Variants in CFAP77 observed in about 807,000 individuals in gnomAD.
CFAP77 encodes cilia and flagella associated protein 77.
CFAP77 carries 25 observed loss-of-function variants against 31.1 expected under a neutral mutation model. The observed-to-expected ratio is 0.80, with a 90% confidence interval of 0.59 to 1.12. CFAP77 has a LOEUF of 1.12. CFAP77 is among the 50% of genes most tolerant of loss of function. The pLI, the probability that CFAP77 is intolerant of heterozygous loss-of-function variation, is 0.00. For synonymous variants in CFAP77, 151 were observed against 159.9 expected (o/e 0.94, Z 0.42); for missense variants, 377 against 397.3 (o/e 0.95, Z 0.44).
At position 132,486,020 on chromosome 9, in the gene CFAP77, A is replaced by ATATATATATGTATG. The variant is rs1564222971; in HGVS notation, c.196-12666_196-12665insGTATGTATATATAT. 2.3e-4 allele frequency among the ~76,000 whole-genome samples: 10 copies of ATATATATATGTATG among 43,038 alleles called. 1 individual carries two copies. The highest frequency in any genetic ancestry group is 3.3e-4 in the Non-Finnish European group (9 of 27,246). 28.2% of individuals were successfully genotyped at this position (43,038 alleles called of 152,430 possible). A position where few individuals can be genotyped will look rare whatever the true frequency, so the allele number is the denominator to read the frequency against. On this transcript the variant is annotated intron_variant, in intron 1 of 5. Transcript: ENST00000393216. ...TATATATATATATATATATATATATATATATATATATATATATATATGTAT... is the reference window on the plus strand; with the variant it reads ...TATATATATATATATATATATATATATATATATATGTATGTATATATATATATATATATATGTAT...
chr9:132,425,779 A>C (rs1850303409), intron 1 of CFAP77, among the ~76,000 whole-genome samples: 1 of 152,210 alleles, frequency 6.6e-6, no homozygotes, highest in Non-Finnish European at 1.5e-5. Context: ...TGAAAGGGTG[A>C]TCATTTACCT....
intron 5 of CFAP77, among the ~76,000 whole-genome samples, chr9:132,561,725 G>C (rs998510623): frequency 6.6e-6 from 1 of 151,236 alleles, no homozygotes. Flanking sequence ...TGGACAAAAG[G>C]CTCAAGACAA....
intron 1 of CFAP77, among the ~76,000 whole-genome samples, chr9:132,468,326 C>T (rs1379610683): frequency 6.6e-6 from 1 of 152,168 alleles, no homozygotes; most frequent in Non-Finnish European, 1.5e-5. Flanking sequence ...GCCTGGGCAA[C>T]AGAGTGAGAC....
At chr9:132,441,309 G>A (rs1850611926) in intron 1 of CFAP77, among the ~76,000 whole-genome samples, 1 of 152,162 alleles carries the variant, frequency 6.6e-6, no homozygotes, top group South Asian at 2.1e-4. Flanking sequence ...TGAGTGACAA[G>A]GTATCTTTCT....
At chr9:132,426,088 CAGAG>C (rs971286136) in intron 1 of CFAP77, among the ~76,000 whole-genome samples, 2 of 152,180 alleles carry the variant, frequency 1.3e-5, no homozygotes, top group African/African-American at 4.8e-5. Flanking sequence ...GCTTCTAAAA[CAGAG>C]AGAATCAAAA....
At chr9:132,427,217 A>G (rs962737090) in intron 1 of CFAP77, among the ~76,000 whole-genome samples, 2 of 152,134 alleles carry the variant, frequency 1.3e-5, no homozygotes, top group African/African-American at 4.8e-5. Context: ...CTGGGTGAAG[A>G]AGTTTTTGTT....
At position 132,572,505 on chromosome 9, in the gene CFAP77, C is replaced by T. The variant is rs777516075; in HGVS notation, c.850C>T (p.Pro284Ser). The T allele has an allele frequency of 1.9e-6, 3 of 1,604,230 alleles. No individual in the cohort carries two copies. The highest frequency in any genetic ancestry group is 1.3e-5 in the African/African-American group (1 of 74,890). Residue 284 changes from proline (P) to serine (S), a missense_variant, in exon 6 of 6, where the codon CCC becomes TCC. Coordinates refer to ENST00000393216, the MANE Select transcript of CFAP77 (RefSeq NM_001282957.2). ...CCTGCGGATGGGCAACTACACCCAC[C>T]CCTAGCCCCTCCCTCCCCTGCCACA... ...GTLRMGNYTHP is the reference protein window; with the variant it reads ...GTLRMGNYTHS
Position 132,537,586 on chromosome 9 carries a change from A to G in CFAP77, c.525-15A>G. The G allele has an allele frequency of 6.2e-7, 1 of 1,600,640 alleles. No individual in the cohort carries two copies. Among genetic ancestry groups the G allele is most frequent in the African/African-American group, 1.3e-5 (1 of 74,648 alleles). On this transcript the variant is annotated splice_polypyrimidine_tract_variant and intron_variant, in intron 3 of 5. Transcript: ENST00000393216. ...TTCCGGGGCCTCAAGCTCTGTCTGG[A>G]CTTCTTCCCTCCAGGCCTTCCACAC...
chr9:132,450,429 A>C (rs1850806091), intron 1 of CFAP77, among the ~76,000 whole-genome samples: 1 of 152,212 alleles, frequency 6.6e-6, no homozygotes, highest in Non-Finnish European at 1.5e-5. Flanking sequence ...ATGTGGACAG[A>C]GGCTGGACAT....
At chr9:132,456,101 G>C (rs1850907671) in intron 1 of CFAP77, among the ~76,000 whole-genome samples, 1 of 152,194 alleles carries the variant, frequency 6.6e-6, no homozygotes, top group Admixed American at 6.5e-5. Context: ...TGAGTGTCGG[G>C]TACTATCCTA....
chr9:132,435,473 G>A (rs928481252), intron 1 of CFAP77, among the ~76,000 whole-genome samples: 2 of 152,146 alleles, frequency 1.3e-5, no homozygotes, highest in Non-Finnish European at 2.9e-5. Flanking sequence ...ATAACGACAC[G>A]CTAGGAAAAG....
At chr9:132,556,575 C>T (rs1222706501) in intron 5 of CFAP77, among the ~76,000 whole-genome samples, 1 of 152,186 alleles carries the variant, frequency 6.6e-6, no homozygotes, top group East Asian at 1.9e-4. Context: ...CACTCTCTCC[C>T]ACCCCACCCC....
rs895591565 is a variant in CFAP77 at position 132,453,996 on chromosome 9, C to T, written c.195+43530C>T. On this transcript the variant is annotated intron_variant, in intron 1 of 5. Coordinates refer to ENST00000393216, the MANE Select transcript of CFAP77 (RefSeq NM_001282957.2). ...AATTACAGTCCTAATAAGTAGGTTG[C>T]CCAGAAGGAGGGCGGTGGCACCCCC... 7.2e-5 allele frequency among the ~76,000 whole-genome samples: 11 copies of T among 152,258 alleles called. No homozygotes were observed. In the East Asian group the frequency reaches 2.1e-3, roughly 29 times the overall value.
chr9:132,537,528 G>C, intron 3 of CFAP77, 73 bp from the exon 4 acceptor site: 2 of 1,095,762 alleles, frequency 1.8e-6, no homozygotes, highest in Non-Finnish European at 2.7e-6. Flanking sequence ...AGGCTCCCGG[G>C]GGCGGGCGGT....
chr9:132,531,192 C>T (rs779046223), intron 3 of CFAP77, among the ~76,000 whole-genome samples: 3 of 152,224 alleles, frequency 2.0e-5, no homozygotes, highest in East Asian at 3.8e-4. Flanking sequence ...CTCCTTCCCC[C>T]CTTCCCTCCC....
intron 1 of CFAP77, among the ~76,000 whole-genome samples, chr9:132,457,323 G>GGGGGGGGGGGCGCCCCCCCCC (rs1850937014): frequency 7.0e-6 from 1 of 142,818 alleles, no homozygotes. Context: ...GGGGCGGGGG[G>GGGGGGGGGGGCGCCCCCCCCC]AGAAAGGATT....
intron 1 of CFAP77, among the ~76,000 whole-genome samples, chr9:132,431,430 A>G (rs1850410261): frequency 6.6e-6 from 1 of 152,252 alleles, no homozygotes. Flanking sequence ...TAGAATTGAG[A>G]TAATTATCCA....
rs1421513723 is a variant in CFAP77, at chr9:132,495,683, A to G, written c.196-3012A>G. On this transcript the variant is annotated intron_variant, in intron 1 of 5. Transcript: ENST00000393216. This position sits in a 1 kb window ranked among gnomAD's most constrained non-coding sequence, Gnocchi z 4.2. ...TCTCAAAGTAGGCTGTATGAACTGCATGTCTGTGTACCCCTAAAATTCAAA... is the reference window on the plus strand; with the variant it reads ...TCTCAAAGTAGGCTGTATGAACTGCGTGTCTGTGTACCCCTAAAATTCAAA... Among the ~76,000 whole-genome samples, 3 of 152,204 alleles carry G rather than the reference A, an allele frequency of 2.0e-5. No homozygotes were observed. Among genetic ancestry groups the G allele is most frequent in the African/African-American group, 4.8e-5 (2 of 41,448 alleles).
chr9:132,530,136 C>CT (rs750962954), intron 3 of CFAP77, among the ~76,000 whole-genome samples: 9,068 of 93,394 alleles, frequency 0.097, 273 homozygotes, highest in Non-Finnish European at 0.12. Flanking sequence ...TCTTTCTTTT[C>CT]TTTTTTTTTT....
Sources: gnomAD v4.1 joint callset for allele counts (sites outside exome capture counted in the v4.1 genomes callset) on GRCh38, gnomAD v4.1.1 for gene constraint, Gnocchi (gnomAD v3.1) non-coding constraint, MANE v1.5 for transcripts, NCBI Gene and HGNC (gene_info 2026-07-23, HGNC 2026-07-21) for gene names.